NIPSNAP3A: variants seen among roughly 807,000 people sequenced by gnomAD.
NIPSNAP3A encodes protein NipSnap homolog 3A.
In NIPSNAP3A, 27 loss-of-function variants were observed where a neutral mutation model predicts 32.3. The observed-to-expected ratio is 0.84, with a 90% CI of 0.62 to 1.15. The LOEUF is 1.15. NIPSNAP3A is among the 50% of genes most tolerant of loss of function. NIPSNAP3A has a pLI of 0.00. For synonymous variants in NIPSNAP3A, 108 were observed against 107.3 expected (o/e 1.01, Z -0.04); for missense variants, 278 against 297.2 (o/e 0.94, Z 0.48).
chr9:104,758,549 T>A (rs183540713), intron 4 of NIPSNAP3A, among the ~76,000 whole-genome samples: 12 of 152,326 alleles, frequency 7.9e-5, no homozygotes, highest in Admixed American at 2.0e-4. Context: ...TTTCTTCATC[T>A]ATAAAACCAA....
intron 1 of NIPSNAP3A, 82 bp downstream of exon 1, chr9:104,747,934 A>G: frequency 2.2e-6 from 3 of 1,333,466 alleles, no homozygotes; most frequent in Non-Finnish European, 2.1e-6. Context: ...ACGTGCGAGC[A>G]ATGCGCATGC....
chr9:104,749,673 ATG>A (rs968342645), intron 1 of NIPSNAP3A, among the ~76,000 whole-genome samples: 1 of 152,120 alleles, frequency 6.6e-6, no homozygotes, highest in Non-Finnish European at 1.5e-5. Context: ...GTGTGTGCGT[ATG>A]TGTGTGTGTA....
In NIPSNAP3A at chr9:104,751,231, T is replaced by C. The variant is rs147339875; in HGVS notation, c.271+65T>C. On this transcript the variant is annotated intron_variant, in intron 2 of 5. Transcript: ENST00000374767. ...CATTTTTCAGTATAGATTTTCATTCTGTTAAATGTAACATAAAACTTAGTT... is the reference window on the plus strand; with the variant it reads ...CATTTTTCAGTATAGATTTTCATTCCGTTAAATGTAACATAAAACTTAGTT... 3.2e-4 allele frequency: 426 copies of C among 1,342,374 alleles called. 3 individuals carry two copies. The African/African-American group carries it at 5.4e-3, about 17-fold the overall frequency. 83.2% of individuals were successfully genotyped at this position (1,342,374 alleles called of 1,614,324 possible). A position where few individuals can be genotyped will look rare whatever the true frequency, so the allele number is the denominator to read the frequency against.
Position 104,752,941 on chromosome 9 carries a change from T to C in NIPSNAP3A, c.307T>C (p.Leu103=). Residue 103 remains leucine (L), a synonymous_variant, in exon 3 of 6, where the codon TTG becomes CTG. Transcript: ENST00000374767. ...TCATCGAACTGAAGTTCGGAAAGCC[T>C]TGGCCAAAGATAAGGAATGGCAAGA... ...FAHRTEVRKA[L]AKDKEWQEQF... is the part of the protein sequence containing the mutation. 1.2e-6 allele frequency: 2 copies of C among 1,613,458 alleles called. No individual in the cohort carries two copies. Among genetic ancestry groups the C allele is most frequent in the Non-Finnish European group, 1.7e-6 (2 of 1,179,440 alleles).
At chr9:104,757,987 AATG>A (rs1658843757) in intron 4 of NIPSNAP3A, among the ~76,000 whole-genome samples, 1 of 152,098 alleles carries the variant, frequency 6.6e-6, no homozygotes, top group Non-Finnish European at 1.5e-5. Context: ...CCAAAAATAA[AATG>A]ATTAGTTTGT....
intron 4 of NIPSNAP3A, among the ~76,000 whole-genome samples, chr9:104,757,959 A>G (rs1365755859): frequency 6.6e-6 from 1 of 152,038 alleles, no homozygotes; most frequent in Non-Finnish European, 1.5e-5. Context: ...GAGATACACC[A>G]AATATAAAAG....
rs34247948 is a variant in NIPSNAP3A, at chr9:104,756,814, C to CT, written c.580+2133dup. Among the ~76,000 whole-genome samples the CT allele has an allele frequency of 7.5e-3, 862 of 114,276 alleles. 7 individuals are homozygous for CT. Among genetic ancestry groups the CT allele is most frequent in the Non-Finnish European group, 0.011 (613 of 54,956 alleles). 75.0% of individuals were successfully genotyped at this position (114,276 alleles called of 152,430 possible). ...ATGGTTAAGTCTCTATGTTAATATT[C>CT]TTTTTTTTTTTTTTTTTTTGAGATG... is the stretch of plus-strand genomic sequence containing the variant. On this transcript the variant is annotated intron_variant, in intron 4 of 5. Transcript: ENST00000374767.
chr9:104,748,925 G>A (rs1032407010), intron 1 of NIPSNAP3A, among the ~76,000 whole-genome samples: 15 of 152,166 alleles, frequency 9.9e-5, no homozygotes, highest in African/African-American at 3.4e-4. Context: ...TGCCCTAGCA[G>A]CTAAAAGTCA....
At position 104,751,052 on chromosome 9, in the gene NIPSNAP3A, CTG is replaced by C; in HGVS notation, c.158_159del (p.Leu53ArgfsTer4). On this transcript the variant is annotated frameshift_variant, in exon 2 of 6. Coordinates refer to ENST00000374767, the MANE Select transcript of NIPSNAP3A (RefSeq NM_015469.3). LOFTEE classifies it high-confidence loss of function. ...YLKPSKMNEF[L>X]ENFEKNAHLR... ...TAAGCCCTCAAAGATGAATGAGTTC[CTG>C]GAAAATTTTGAGAAAAACGCTCATC... The C allele has an allele frequency of 6.2e-7, 1 of 1,613,926 alleles. No individual in the cohort carries two copies. The highest frequency in any genetic ancestry group is 8.5e-7 in the Non-Finnish European group (1 of 1,179,892).
rs1294157233 is a variant in NIPSNAP3A, at chr9:104,756,791, G to GC, written c.580+2091_580+2092insC. On this transcript the variant is annotated intron_variant, in intron 4 of 5. Transcript: ENST00000374767. ...GTAGTCATATTTCAGTGAGATAAAT[G>GC]GTTAAGTCTCTATGTTAATATTCTT... Among the ~76,000 whole-genome samples the GC allele has an allele frequency of 2.0e-5, 3 of 151,010 alleles. No individual in the cohort carries two copies. In the Admixed American group the frequency reaches 2.0e-4, roughly 10 times the overall value.
chr9:104,753,051 A>G lies in NIPSNAP3A; in HGVS notation c.417A>G (p.Lys139=), dbSNP rs1564051768. 1.9e-6 allele frequency: 3 copies of G among 1,613,196 alleles called. No individual in the cohort carries two copies. The highest frequency in any genetic ancestry group is 2.5e-6 in the Non-Finnish European group (3 of 1,179,494). ...TGGTACCATGGTGCAAATTAGAAAA[A>G]CCTCCAAAAGAAGGTAAGTCCTTCC... is the stretch of plus-strand genomic sequence containing the variant. The part of the protein sequence containing the change: ...TYLVPWCKLE[K]PPKEGVYELA... Residue 139 remains lysine, a synonymous_variant, in exon 3 of 6, where the codon AAA becomes AAG. Coordinates refer to ENST00000374767, the MANE Select transcript of NIPSNAP3A (RefSeq NM_015469.3).
chr9:104,747,897 A>G, intron 1 of NIPSNAP3A, 45 bp downstream of exon 1: 1 of 1,410,728 alleles, frequency 7.1e-7, no homozygotes, highest in Non-Finnish European at 9.8e-7. Context: ...ACGGGAGGGG[A>G]GGGGCGGGGC....
chr9:104,750,887 A>G (rs1357772651), intron 1 of NIPSNAP3A, 69 bp from the exon 2 acceptor site: 3 of 1,231,594 alleles, frequency 2.4e-6, no homozygotes, highest in African/African-American at 3.0e-5. Context: ...CCAGATTCAG[A>G]TTAGGTTTTA....
At chr9:104,758,805 CA>C (rs768554060) in intron 4 of NIPSNAP3A, among the ~76,000 whole-genome samples, 423 of 116,966 alleles carry the variant, frequency 3.6e-3, no homozygotes, top group East Asian at 7.8e-3. Context: ...ACTAAAAATA[CA>C]AAAAAAAAAA....
chr9:104,758,698 G>A (rs954366935), intron 4 of NIPSNAP3A, among the ~76,000 whole-genome samples: 4 of 151,576 alleles, frequency 2.6e-5, no homozygotes, highest in African/African-American at 7.3e-5. Context: ...GGTGGCTCAC[G>A]CCTGTAATCT....
At position 104,753,063 on chromosome 9, in the gene NIPSNAP3A, AG is replaced by A; in HGVS notation, c.430+1del. Reference protein sequence around the residue: ...WCKLEKPPKEGVYELATFQMK... With the variant: ...WCKLEKPPKEXVYELATFQMK... Reference sequence around the variant, plus strand: ...GCAAATTAGAAAAACCTCCAAAAGAAGGTAAGTCCTTCCTTCTTAGTCACTG... The same window carrying A: ...GCAAATTAGAAAAACCTCCAAAAGAAGTAAGTCCTTCCTTCTTAGTCACTG... On this transcript the variant is annotated frameshift_variant and splice_region_variant, in exon 3 of 6. Coordinates refer to ENST00000374767, the MANE Select transcript of NIPSNAP3A (RefSeq NM_015469.3). LOFTEE classifies it high-confidence loss of function. The A allele has an allele frequency of 4.3e-6, 7 of 1,612,560 alleles. No individual in the cohort carries two copies. The highest frequency in any genetic ancestry group is 5.9e-6 in the Non-Finnish European group (7 of 1,178,662).
intron 4 of NIPSNAP3A, 83 bp downstream of exon 4, chr9:104,754,783 A>G (rs1313875795): frequency 9.2e-7 from 1 of 1,090,750 alleles, no homozygotes; most frequent in Non-Finnish European, 1.4e-6. Context: ...TTCTCATTAT[A>G]GAGTATGTTT....
In NIPSNAP3A at chr9:104,759,314, T is replaced by G; in HGVS notation, c.720T>G (p.Pro240=). Residue 240 remains proline, a synonymous_variant, in exon 6 of 6, where the codon CCT becomes CCG. Coordinates refer to ENST00000374767, the MANE Select transcript of NIPSNAP3A (RefSeq NM_015469.3). ...LVSQQNMLLI[P]TSFSPLK is the part of the protein sequence containing the mutation. ...CTCAGCAGAATATGCTTCTGATTCC[T>G]ACATCGTTTTCACCACTGAAATAGT... 1 of 1,613,840 alleles carries G rather than the reference T, an allele frequency of 6.2e-7. No individual in the cohort carries two copies. Among genetic ancestry groups the G allele is most frequent in the South Asian group, 1.1e-5 (1 of 91,064 alleles).
At position 104,759,501 on chromosome 9, in the gene NIPSNAP3A, C is replaced by G; in HGVS notation, c.*163C>G. The stretch of plus-strand genomic sequence containing the variant: ...GGCTACATCTGTGCTTTGTAAGTAC[C>G]ACTTCAAAAAATAGTTCTGTTTACT... On this transcript the variant is annotated 3_prime_UTR_variant, in exon 6 of 6. Coordinates refer to ENST00000374767, the MANE Select transcript of NIPSNAP3A (RefSeq NM_015469.3). The G allele has an allele frequency of 1.5e-6, 1 of 655,092 alleles. No homozygotes were observed. Among genetic ancestry groups the G allele is most frequent in the Non-Finnish European group, 2.6e-6 (1 of 382,990 alleles). The allele number at this position is 655,092 out of a possible 1,614,324, so 40.6% of individuals were successfully genotyped here. A position where few individuals can be genotyped will look rare whatever the true frequency, so the allele number is the denominator to read the frequency against.
Sources: gnomAD v4.1 joint callset for allele counts (sites outside exome capture counted in the v4.1 genomes callset) on GRCh38, gnomAD v4.1.1 for gene constraint, MANE v1.5 for transcripts, NCBI Gene and HGNC (gene_info 2026-07-23, HGNC 2026-07-21) for gene names.